The following PLD5 variants were observed in gnomAD, a reference collection of about 807,000 sequenced individuals.
PLD5 encodes inactive phospholipase D5.
Under a neutral mutation model 61.1 loss-of-function variants are expected in PLD5, and 36 were observed. The ratio of observed to expected loss-of-function variants is 0.59; its 90% CI spans 0.45 to 0.78. The LOEUF is 0.78. PLD5 is among the 30% of genes least tolerant of loss of function. The pLI is 0.00. For missense variants in PLD5, 515 were observed against 644.4 expected (o/e 0.80, Z 2.17); for synonymous variants, 243 against 242.8 (o/e 1.00, Z -0.01).
At chr1:242,286,284 T>C (rs900106025) in intron 3 of PLD5, among the ~76,000 whole-genome samples, 8 of 152,046 alleles carry the variant, frequency 5.3e-5, no homozygotes, top group Non-Finnish European at 8.8e-5. Flanking sequence ...GATTTTGAGC[T>C]GAAGGAGTGA....
rs750359261 is a variant in PLD5 at position 242,205,693 on chromosome 1, A to G, written c.735+14295T>C. On this transcript the variant is annotated intron_variant, in intron 5 of 9. Transcript: ENST00000536534. ...TGGTATCCAGTTACCTGCATTACCA[A>G]TGAAATACTTTCCTAGGAGGTAAAA... is the stretch of plus-strand genomic sequence containing the variant. 4.6e-5 allele frequency among the ~76,000 whole-genome samples: 7 copies of G among 152,236 alleles called. No homozygotes were observed. The South Asian group carries it at 8.3e-4, about 18-fold the overall frequency.
At chr1:242,468,041 A>G (rs2102945425) in intron 1 of PLD5, among the ~76,000 whole-genome samples, 1 of 152,352 alleles carries the variant, frequency 6.6e-6, no homozygotes, top group African/African-American at 2.4e-5. Context: ...AACATTTCAC[A>G]GCAAAACAAA....
chr1:242,333,344 C>T (rs1659304263), intron 2 of PLD5, among the ~76,000 whole-genome samples: 2 of 151,400 alleles, frequency 1.3e-5, no homozygotes, highest in African/African-American at 4.9e-5. Context: ...TAAAGGCTTG[C>T]AAAATTCAGA....
intron 1 of PLD5, among the ~76,000 whole-genome samples, chr1:242,431,440 A>G (rs902937364): frequency 2.0e-5 from 3 of 152,186 alleles, no homozygotes; most frequent in African/African-American, 7.2e-5. Context: ...TTTAATTACT[A>G]TCATCCACAT....
intron 2 of PLD5, among the ~76,000 whole-genome samples, chr1:242,318,170 T>G (rs1658140647): frequency 6.6e-6 from 1 of 152,160 alleles, no homozygotes; most frequent in Admixed American, 6.5e-5. Flanking sequence ...GCCCTGGGGC[T>G]GTGAAGGAGA....
intron 3 of PLD5, among the ~76,000 whole-genome samples, chr1:242,284,787 G>C (rs374748936): frequency 1.3e-5 from 2 of 152,258 alleles, no homozygotes; most frequent in African/African-American, 4.8e-5. Context: ...CATGGCCAGG[G>C]ACAGACAGGT....
chr1:242,275,828 T>G (rs1475192390), intron 3 of PLD5, among the ~76,000 whole-genome samples: 2 of 152,150 alleles, frequency 1.3e-5, no homozygotes, highest in Non-Finnish European at 2.9e-5. Context: ...GGTCACATGA[T>G]GAAGGGCCTT....
intron 1 of PLD5, among the ~76,000 whole-genome samples, chr1:242,393,725 T>C (rs1471385508): frequency 5.4e-5 from 8 of 147,032 alleles, no homozygotes; most frequent in Non-Finnish European, 7.4e-5. Flanking sequence ...TGAGTATATA[T>C]GTGTGTATAT....
intron 1 of PLD5, among the ~76,000 whole-genome samples, chr1:242,379,789 C>T (rs181341452): frequency 2.0e-5 from 3 of 151,974 alleles, no homozygotes; most frequent in African/African-American, 7.3e-5. Context: ...TTTTACTGTC[C>T]TCCCAATATA....
chr1:242,240,250 G>C (rs534126337), intron 4 of PLD5, among the ~76,000 whole-genome samples: 1 of 152,088 alleles, frequency 6.6e-6, no homozygotes, highest in African/African-American at 2.4e-5. Context: ...TTGGAATATC[G>C]ATCTTCTCTT....
At chr1:242,512,461 C>T (rs1309535992) in intron 1 of PLD5, among the ~76,000 whole-genome samples, 1 of 151,738 alleles carries the variant, frequency 6.6e-6, no homozygotes, top group Non-Finnish European at 1.5e-5. Flanking sequence ...TGACACATTC[C>T]CTGCTGCAGA....
At chr1:242,289,573 G>A (rs533698533) in intron 2 of PLD5, among the ~76,000 whole-genome samples, 26 of 152,052 alleles carry the variant, frequency 1.7e-4, no homozygotes, top group African/African-American at 5.1e-4. Flanking sequence ...GGCTGGTCTC[G>A]AACTCCTGAC....
chr1:242,497,541 C>A (rs10926754), intron 1 of PLD5, among the ~76,000 whole-genome samples: 49,443 of 151,984 alleles, frequency 0.33, 8,412 homozygotes, highest in Admixed American at 0.42. Flanking sequence ...ACTGAGCCAT[C>A]CATTGGAACA....
intron 2 of PLD5, among the ~76,000 whole-genome samples, chr1:242,346,041 A>C (rs1660115507): frequency 6.9e-4 from 1 of 1,442 alleles, no homozygotes. Flanking sequence ...ACAACCATAT[A>C]TCATATTTAT....
intron 7 of PLD5, among the ~76,000 whole-genome samples, chr1:242,108,503 T>C (rs373623538): frequency 6.6e-6 from 1 of 152,334 alleles, no homozygotes; most frequent in East Asian, 1.9e-4. Context: ...CCTGGATTTC[T>C]GCGTGCATTT....
At chr1:242,513,650 G>A (rs867117136) in intron 1 of PLD5, among the ~76,000 whole-genome samples, 5 of 152,196 alleles carry the variant, frequency 3.3e-5, no homozygotes, top group South Asian at 2.1e-4. Context: ...CTCCCTGTAG[G>A]CAGTAGGTAT....
chr1:242,473,081 C>T (rs1414936111), intron 1 of PLD5, among the ~76,000 whole-genome samples: 1 of 152,076 alleles, frequency 6.6e-6, no homozygotes, highest in Non-Finnish European at 1.5e-5. Flanking sequence ...AAATGTAAGT[C>T]TAAAATAGCA....
chr1:242,474,234 C>T (rs1259776066), intron 1 of PLD5, among the ~76,000 whole-genome samples: 1 of 152,202 alleles, frequency 6.6e-6, no homozygotes, highest in Non-Finnish European at 1.5e-5. Flanking sequence ...ATCTCTCCTT[C>T]AAGTGCCACT....
chr1:242,488,693 T>C (rs1160825238), intron 1 of PLD5, among the ~76,000 whole-genome samples: 2 of 152,152 alleles, frequency 1.3e-5, no homozygotes, highest in African/African-American at 4.8e-5. Context: ...ACCCATGAAA[T>C]GTACAACACA....
Sources: allele counts gnomAD v4.1 joint callset (sites outside exome capture counted in the v4.1 genomes callset), GRCh38; gene constraint gnomAD v4.1.1; transcripts MANE v1.5; gene names NCBI Gene and HGNC (gene_info 2026-07-23, HGNC 2026-07-21).